Variants in NREP observed in about 807,000 individuals in gnomAD.
NREP encodes the protein neuronal regeneration related protein, also known as neuronal regeneration-related protein.
In NREP, 5 loss-of-function variants were observed where a neutral mutation model predicts 8.6. The observed-to-expected ratio is 0.58, with a 90% CI of 0.30 to 1.22. The LOEUF is 1.22. Ranked by LOEUF, NREP falls within the 50% of genes most tolerant of loss-of-function variation. The pLI, the probability that NREP is intolerant of heterozygous loss-of-function variation, is 0.07. For synonymous variants in NREP, 27 were observed against 28.0 expected (o/e 0.96, Z 0.11); for missense variants, 86 against 82.5 (o/e 1.04, Z -0.17).
intron 2 of NREP, among the ~76,000 whole-genome samples, chr5:111,900,457 C>T (rs1226898897): frequency 6.6e-6 from 1 of 150,986 alleles, no homozygotes; most frequent in Non-Finnish European, 1.5e-5. Context: ...AAAATAAATA[C>T]AAAGGATCAA....
At chr5:111,901,760 C>T (rs1477893149) in intron 2 of NREP, among the ~76,000 whole-genome samples, 1 of 151,904 alleles carries the variant, frequency 6.6e-6, no homozygotes, top group African/African-American at 2.4e-5. Flanking sequence ...AAAGTGAAAA[C>T]CTCAAAATTG....
At chr5:111,885,027 G>C (rs939090508) in intron 2 of NREP, among the ~76,000 whole-genome samples, 1 of 152,152 alleles carries the variant, frequency 6.6e-6, no homozygotes, top group Admixed American at 6.6e-5. Flanking sequence ...AAAAGAGGAA[G>C]TCAAATTGTC....
chr5:111,917,123 T>C (rs1755083043), intron 2 of NREP, among the ~76,000 whole-genome samples: 1 of 152,098 alleles, frequency 6.6e-6, no homozygotes, highest in South Asian at 2.1e-4. Flanking sequence ...CCCGCATGCA[T>C]GGTGTCCTTG....
chr5:111,970,628 C>A (rs1165251624), intron 2 of NREP, among the ~76,000 whole-genome samples: 1 of 151,900 alleles, frequency 6.6e-6, no homozygotes, highest in South Asian at 2.1e-4. Flanking sequence ...GAGTTTGAGA[C>A]CAGCCTGGCC....
chr5:111,933,618 C>T (rs763820969), intron 2 of NREP, among the ~76,000 whole-genome samples: 21 of 152,050 alleles, frequency 1.4e-4, no homozygotes, highest in Admixed American at 7.9e-4. Flanking sequence ...CATCACTCCC[C>T]AAACTTTCAA....
At chr5:111,914,131 A>C (rs974716046) in intron 2 of NREP, among the ~76,000 whole-genome samples, 3 of 152,116 alleles carry the variant, frequency 2.0e-5, no homozygotes, top group African/African-American at 7.2e-5. Context: ...GATCACTGTA[A>C]AGATCCATCT....
intron 2 of NREP, among the ~76,000 whole-genome samples, chr5:111,973,976 C>T (rs1189677052): frequency 6.6e-6 from 1 of 152,176 alleles, no homozygotes; most frequent in Non-Finnish European, 1.5e-5. Flanking sequence ...AGTACACATA[C>T]ACACTCTATT....
intron 2 of NREP, among the ~76,000 whole-genome samples, chr5:111,843,712 G>A (rs968825460): frequency 2.0e-5 from 3 of 152,150 alleles, no homozygotes; most frequent in African/African-American, 7.2e-5. Context: ...AGCTGGGAAA[G>A]CCCTTTACCA....
intron 2 of NREP, among the ~76,000 whole-genome samples, chr5:111,746,426 G>C (rs1750009543): frequency 1.3e-5 from 2 of 152,114 alleles, no homozygotes; most frequent in African/African-American, 4.8e-5. Flanking sequence ...AGGGCAGTAA[G>C]AAATGGAGAC....
At chr5:111,740,656 G>A (rs1001543181) in intron 2 of NREP, among the ~76,000 whole-genome samples, 1 of 151,966 alleles carries the variant, frequency 6.6e-6, no homozygotes, top group African/African-American at 2.4e-5. Flanking sequence ...AGTCCCCCAA[G>A]GTCCTAAAAA....
At chr5:111,785,992 G>A (rs192715195) in intron 2 of NREP, among the ~76,000 whole-genome samples, 5 of 152,240 alleles carry the variant, frequency 3.3e-5, no homozygotes, top group East Asian at 1.9e-4. Context: ...TTTTTATCAC[G>A]TAGTGTGGAG....
chr5:111,879,158 C>T (rs911897879), intron 2 of NREP, among the ~76,000 whole-genome samples: 1 of 152,316 alleles, frequency 6.6e-6, no homozygotes, highest in East Asian at 1.9e-4. Context: ...TGCTCCCCCT[C>T]TTGCCATGTG....
chr5:111,776,431 C>T (rs1262321195), intron 2 of NREP, among the ~76,000 whole-genome samples: 3 of 152,130 alleles, frequency 2.0e-5, no homozygotes, highest in Non-Finnish European at 4.4e-5. Flanking sequence ...TAAAGCTAAA[C>T]ATACACCTAC....
intron 2 of NREP, among the ~76,000 whole-genome samples, chr5:111,786,423 T>C (rs1751613039): frequency 6.6e-6 from 1 of 152,180 alleles, no homozygotes; most frequent in African/African-American, 2.4e-5. Context: ...AGTTAAAATA[T>C]CCCACAGTGC....
At chr5:111,866,467 G>C (rs1753666495) in intron 2 of NREP, among the ~76,000 whole-genome samples, 1 of 152,168 alleles carries the variant, frequency 6.6e-6, no homozygotes, top group Admixed American at 6.5e-5. Flanking sequence ...ACACCAGTTA[G>C]AATGCCGATC....
chr5:111,755,922 A>C, intron 1 of NREP, 92 bp from the exon 2 acceptor site: 11 of 1,550,894 alleles, frequency 7.1e-6, no homozygotes, highest in Non-Finnish European at 9.6e-6. Context: ...ACGAATAACC[A>C]TTTTCTGTGG....
chr5:111,943,142 C>A (rs1755879220), intron 2 of NREP, among the ~76,000 whole-genome samples: 1 of 152,000 alleles, frequency 6.6e-6, no homozygotes, highest in African/African-American at 2.4e-5. Flanking sequence ...TTTTGCATCT[C>A]CACTCTGTCC....
At chr5:111,885,397 TG>T (rs1754214460) in intron 2 of NREP, among the ~76,000 whole-genome samples, 1 of 151,342 alleles carries the variant, frequency 6.6e-6, no homozygotes, top group Non-Finnish European at 1.5e-5. Flanking sequence ...ATGGCCATAC[TG>T]CCCAAGGTAA....
At chr5:111,953,069 C>G (rs114722886) in intron 2 of NREP, among the ~76,000 whole-genome samples, 2,427 of 152,198 alleles carry the variant, frequency 0.016, 64 homozygotes, top group African/African-American at 0.055. Flanking sequence ...GCTGAAATTA[C>G]GCTTTTTATG....
Sources: allele counts gnomAD v4.1 joint callset (sites outside exome capture counted in the v4.1 genomes callset), GRCh38; gene constraint gnomAD v4.1.1; transcripts MANE v1.5; gene names NCBI Gene and HGNC (gene_info 2026-07-23, HGNC 2026-07-21).